The following ATP8A1 variants were observed in gnomAD, a reference collection of about 807,000 sequenced individuals.
The protein encoded by ATP8A1 is ATPase phospholipid transporting 8A1.
A neutral mutation model predicts 177.7 loss-of-function variants in ATP8A1; 90 were observed. The ratio of observed to expected loss-of-function variants is 0.51; its 90% CI spans 0.43 to 0.60. The LOEUF is 0.60. Among genes scored for constraint, ATP8A1 ranks in the 20% least tolerant of loss-of-function variants. ATP8A1 has a pLI of 0.00. For missense variants in ATP8A1, 1,072 were observed against 1,392.8 expected (o/e 0.77, Z 3.67); for synonymous variants, 493 against 485.9 (o/e 1.01, Z -0.19).
intron 20 of ATP8A1, among the ~76,000 whole-genome samples, chr4:42,526,886 C>G (rs888508080): frequency 6.6e-6 from 1 of 152,124 alleles, no homozygotes; most frequent in Non-Finnish European, 1.5e-5. Flanking sequence ...ATGCTAAGGA[C>G]TCTACCTGTA....
At chr4:42,605,474 A>C (rs768363330) in intron 5 of ATP8A1, among the ~76,000 whole-genome samples, 16 of 152,212 alleles carry the variant, frequency 1.1e-4, no homozygotes, top group Admixed American at 5.2e-4. Context: ...GCCATTTAAC[A>C]CATGGGAAGT....
chr4:42,454,386 A>G (rs760789580), intron 29 of ATP8A1, among the ~76,000 whole-genome samples: 21 of 152,240 alleles, frequency 1.4e-4, no homozygotes, highest in Non-Finnish European at 2.9e-4. Flanking sequence ...CCTGAATTCA[A>G]GATTCTGAGT....
chr4:42,481,876 G>A (rs1239549553), intron 25 of ATP8A1, among the ~76,000 whole-genome samples: 1 of 152,154 alleles, frequency 6.6e-6, no homozygotes, highest in African/African-American at 2.4e-5. Flanking sequence ...GGGAGTAGAG[G>A]GGAAGAAGAA....
chr4:42,546,596 CA>C (rs76830064), intron 19 of ATP8A1, among the ~76,000 whole-genome samples: 2 of 145,210 alleles, frequency 1.4e-5, no homozygotes, highest in South Asian at 2.2e-4. Context: ...AAAAAAAAAA[CA>C]AAAAAACTCA....
At position 42,656,815 on chromosome 4, in the gene ATP8A1, G is replaced by A. The variant is rs1438195095; in HGVS notation, c.49+10C>T. ...CCCCGGGCTAGCCCCGAGCCTCGGC[G>A]GCCCCTTACCTTCGGCGCGCGAGCG... On this transcript the variant is annotated intron_variant, in intron 1 of 36. Coordinates refer to ENST00000381668, the MANE Select transcript of ATP8A1 (RefSeq NM_006095.2). The A allele has an allele frequency of 3.2e-6, 5 of 1,565,320 alleles. No individual in the cohort carries two copies. The South Asian group carries it at 3.5e-5, about 11-fold the overall frequency.
At chr4:42,588,478 A>T in intron 7 of ATP8A1, 149 bp from the exon 8 acceptor site, 1 of 620,944 alleles carries the variant, frequency 1.6e-6, no homozygotes, top group Non-Finnish European at 2.7e-6. Context: ...TCTAACAGCA[A>T]GATGCTGTGA....
At chr4:42,471,508 A>G (rs1020698890) in intron 25 of ATP8A1, among the ~76,000 whole-genome samples, 2 of 152,230 alleles carry the variant, frequency 1.3e-5, no homozygotes, top group Non-Finnish European at 2.9e-5. Flanking sequence ...AATGATTCAG[A>G]TAAGTAGTTT....
intron 20 of ATP8A1, among the ~76,000 whole-genome samples, chr4:42,532,269 G>A (rs957619759): frequency 2.7e-4 from 41 of 152,100 alleles, no homozygotes; most frequent in Non-Finnish European, 5.1e-4. Flanking sequence ...CTGATCACCT[G>A]AGGTCAGGAG....
chr4:42,522,101 A>G, intron 22 of ATP8A1, 59 bp downstream of exon 22: 2 of 1,547,114 alleles, frequency 1.3e-6, no homozygotes, highest in Non-Finnish European at 1.7e-6. Flanking sequence ...TCCTTGAATA[A>G]AGATCAAAAC....
chr4:42,485,682 C>T lies in ATP8A1; in HGVS notation c.2152-14G>A. ...TTCCCTTGTTCCCTGGAATATTAAA[C>T]AAGCAAAAATGCCATCAACATTTAC... On this transcript the variant is annotated splice_polypyrimidine_tract_variant and intron_variant, in intron 24 of 36. Transcript: ENST00000381668. 1.2e-6 allele frequency: 2 copies of T among 1,600,830 alleles called. No homozygotes were observed. Among genetic ancestry groups the T allele is most frequent in the South Asian group, 2.3e-5 (2 of 88,624 alleles).
intron 23 of ATP8A1, 58 bp from the exon 24 acceptor site, chr4:42,503,572 T>C: frequency 8.7e-7 from 1 of 1,151,642 alleles, no homozygotes; most frequent in Middle Eastern, 2.4e-4. Context: ...TGTAAAGATG[T>C]TAAAACAATG....
chr4:42,576,358 C>A (rs1429969996), intron 12 of ATP8A1, among the ~76,000 whole-genome samples: 2 of 151,546 alleles, frequency 1.3e-5, no homozygotes, highest in South Asian at 2.1e-4. Flanking sequence ...CACCTGCAGT[C>A]CCAGCTACGG....
At chr4:42,447,120 G>C (rs2153175943) in intron 30 of ATP8A1, among the ~76,000 whole-genome samples, 1 of 152,320 alleles carries the variant, frequency 6.6e-6, no homozygotes, top group Middle Eastern at 3.4e-3. Flanking sequence ...GGATCTGGCT[G>C]AGTATAGGGG....
chr4:42,414,655 G>A lies in ATP8A1; in HGVS notation c.3369C>T (p.Arg1123=). 1 of 1,613,916 alleles carries A rather than the reference G, an allele frequency of 6.2e-7. No individual in the cohort carries two copies. The highest frequency in any genetic ancestry group is 8.5e-7 in the Non-Finnish European group (1 of 1,179,818). ...GCAGATTTTGTTGCAAGGATTCAGA[G>A]CGGTACAAGTTCACGTGGTTCTTCT... ...VFKKNHVNLY[R]SESLQQNLLH... The change falls in exon 36 of 37, where the codon CGC becomes CGT. Residue 1123 remains arginine, a synonymous_variant. Coordinates refer to ENST00000381668, the MANE Select transcript of ATP8A1 (RefSeq NM_006095.2).
intron 25 of ATP8A1, among the ~76,000 whole-genome samples, chr4:42,471,522 T>C (rs1490467661): frequency 2.0e-5 from 3 of 152,224 alleles, no homozygotes; most frequent in African/African-American, 7.2e-5. Flanking sequence ...GTAGTTTAAA[T>C]AGGGACCGTT....
chr4:42,596,387 T>C (rs545716466), intron 6 of ATP8A1, among the ~76,000 whole-genome samples: 1 of 152,184 alleles, frequency 6.6e-6, no homozygotes, highest in East Asian at 1.9e-4. Flanking sequence ...ATCCAACTAT[T>C]AGCTGGGCAT....
At chr4:42,447,991 A>C (rs189310130) in intron 30 of ATP8A1, among the ~76,000 whole-genome samples, 4 of 152,216 alleles carry the variant, frequency 2.6e-5, no homozygotes, top group African/African-American at 9.6e-5. Context: ...TACACTAAAA[A>C]ATTATTGAGG....
At chr4:42,552,433 T>A (rs2153211369) in intron 17 of ATP8A1, 72 bp downstream of exon 17, 1 of 1,287,826 alleles carries the variant, frequency 7.8e-7, no homozygotes, top group East Asian at 2.5e-5. Flanking sequence ...GCTATCTTTT[T>A]AAAATTAAAT....
intron 1 of ATP8A1, among the ~76,000 whole-genome samples, chr4:42,641,533 T>C (rs1461356018): frequency 6.6e-6 from 1 of 152,082 alleles, no homozygotes; most frequent in Non-Finnish European, 1.5e-5. Flanking sequence ...TATAAGCTTA[T>C]TGAGAGAACC....
Sources: gnomAD v4.1 joint callset for allele counts (sites outside exome capture counted in the v4.1 genomes callset) on GRCh38, gnomAD v4.1.1 for gene constraint, MANE v1.5 for transcripts, NCBI Gene and HGNC (gene_info 2026-07-23, HGNC 2026-07-21) for gene names.